The following BAG2 variants were observed in gnomAD, a reference collection of about 807,000 sequenced individuals.
The protein encoded by BAG2 is BAG cochaperone 2.
BAG2 carries 8 observed loss-of-function variants against 16.4 expected under a neutral mutation model. The observed-to-expected ratio is 0.49, with a 90% CI of 0.29 to 0.88. The LOEUF is 0.88. Ranked by LOEUF, BAG2 falls within the 40% of genes least tolerant of loss-of-function variation. The pLI is 0.09. For missense variants in BAG2, 218 were observed against 248.9 expected, an observed-to-expected ratio of 0.88 and a Z score of 0.84; for synonymous variants, 82 against 89.2, an observed-to-expected ratio of 0.92 and a Z score of 0.46.
Position 57,172,776 on chromosome 6 carries a change from C to T in BAG2, c.79C>T (p.Arg27Cys), listed in dbSNP as rs770906717. Residue 27 changes from arginine (R) to cysteine (C), a missense_variant, in exon 1 of 3, where the codon CGC becomes TGC. By Grantham distance (180) the Arg-to-Cys change is radical. Coordinates refer to ENST00000370693, the MANE Select transcript of BAG2 (RefSeq NM_004282.4). ...CTCCTCCATGGCTGACCGCTCCAGC[C>T]GCCTGCTGGAGAGCCTGGACCAGCT... The part of the protein sequence containing the change: ...RSSSMADRSS[R>C]LLESLDQLEL... The T allele has an allele frequency of 3.2e-6, 5 of 1,573,572 alleles. No individual in the cohort carries two copies. Among genetic ancestry groups the T allele is most frequent in the African/African-American group, 1.4e-5 (1 of 71,340 alleles).
chr6:57,181,841 C>T (rs928000037), intron 1 of BAG2, among the ~76,000 whole-genome samples, 191 bp from the exon 2 acceptor site: 23 of 151,954 alleles, frequency 1.5e-4, no homozygotes, highest in African/African-American at 4.8e-4. Context: ...GAATGATTGC[C>T]TTATGAGCTG....
Position 57,172,829 on chromosome 6 carries a change from G to A in BAG2, c.113+19G>A. 1.4e-6 allele frequency: 2 copies of A among 1,479,122 alleles called. No homozygotes were observed. The highest frequency in any genetic ancestry group is 1.8e-6 in the Non-Finnish European group (2 of 1,112,380). 91.6% of individuals were successfully genotyped at this position (1,479,122 alleles called of 1,614,324 possible). On this transcript the variant is annotated intron_variant, in intron 1 of 2. Transcript: ENST00000370693. ...AGCTCAGGTGAGCTCCGGGCGGGCG[G>A]TCTCGGGCGTTCTGCTCGCCGCGCG...
At position 57,172,494 on chromosome 6, in the gene BAG2, C is replaced by T. The variant is rs1008885124; in HGVS notation, c.-204C>T. ...AGCCCCCTCCCAGGCCCGGCGTCCCCGAGCCCCGCGGGCGCCGCGCCTGCC... is the reference window on the plus strand; with the variant it reads ...AGCCCCCTCCCAGGCCCGGCGTCCCTGAGCCCCGCGGGCGCCGCGCCTGCC... On this transcript the variant is annotated 5_prime_UTR_variant, in exon 1 of 3. Coordinates refer to ENST00000370693, the MANE Select transcript of BAG2 (RefSeq NM_004282.4). 8 of 415,216 alleles carry T rather than the reference C, an allele frequency of 1.9e-5. No individual in the cohort carries two copies. The highest frequency in any genetic ancestry group is 3.0e-5 in the Non-Finnish European group (7 of 230,664). 25.7% of individuals were successfully genotyped at this position (415,216 alleles called of 1,614,324 possible).
chr6:57,173,057 T>A, intron 1 of BAG2: 1 of 801,618 alleles, frequency 1.2e-6, no homozygotes. Flanking sequence ...GCGTTATCGG[T>A]GGCCACACTT....
At chr6:57,174,375 T>G in intron 1 of BAG2, 1 of 1,304,214 alleles carries the variant, frequency 7.7e-7, no homozygotes, top group Non-Finnish European at 1.0e-6. Context: ...TCCTCCAACT[T>G]GAATTAATGC....
intron 1 of BAG2, among the ~76,000 whole-genome samples, chr6:57,174,686 G>A (rs1197041030): frequency 6.6e-6 from 1 of 152,066 alleles, no homozygotes; most frequent in Non-Finnish European, 1.5e-5. Flanking sequence ...AGCAAAAATA[G>A]AGAAAAATGC....
Position 57,172,746 on chromosome 6 carries a change from C to T in BAG2, c.49C>T (p.Arg17Cys). 3 of 1,582,556 alleles carry T rather than the reference C, an allele frequency of 1.9e-6. No individual in the cohort carries two copies. Among genetic ancestry groups the T allele is most frequent in the Non-Finnish European group, 2.6e-6 (3 of 1,167,298 alleles). ...TAAAGCCAACGAGGGGCGCTTCTGC[C>T]GCTCCTCCTCCATGGCTGACCGCTC... Reference protein sequence around the residue: ...NAKANEGRFCRSSSMADRSSR... With the variant: ...NAKANEGRFCCSSSMADRSSR... Residue 17 changes from arginine (R) to cysteine (C), a missense_variant, in exon 1 of 3, where the codon CGC (arginine) becomes TGC (cysteine). Around this residue, in one of 3 missense-constraint regions of BAG2, gnomAD observed 75 missense variants for 63.1 expected, o/e 1.19. Transcript: ENST00000370693.
At position 57,184,195 on chromosome 6, in the gene BAG2, C is replaced by G. The variant is rs770584590; in HGVS notation, c.*5C>G. On this transcript the variant is annotated 3_prime_UTR_variant, in exon 3 of 3. Coordinates refer to ENST00000370693, the MANE Select transcript of BAG2 (RefSeq NM_004282.4). ...GCTGAAAGCAGATTCAATTAGTCTT[C>G]AAACCTAAGAGCATTTACACAATAC... is the stretch of plus-strand genomic sequence containing the variant. 13 of 1,530,710 alleles carry G rather than the reference C, an allele frequency of 8.5e-6. No homozygotes were observed. Among genetic ancestry groups the G allele is most frequent in the Admixed American group, 2.3e-5 (1 of 42,698 alleles). 94.8% of individuals were successfully genotyped at this position (1,530,710 alleles called of 1,614,324 possible).
Position 57,188,786 on chromosome 6 carries a change from A to C in BAG2, c.*4596A>C, listed in dbSNP as rs1764715486. 6.6e-6 allele frequency: 1 copy of C among 152,208 alleles called. No individual in the cohort carries two copies. The highest frequency in any genetic ancestry group is 1.5e-5 in the Non-Finnish European group (1 of 68,030). The allele number at this position is 152,208 out of a possible 1,614,324, so 9.4% of individuals were successfully genotyped here. A position where few individuals can be genotyped will look rare whatever the true frequency, so the allele number is the denominator to read the frequency against. On this transcript the variant is annotated 3_prime_UTR_variant, in exon 3 of 3. Transcript: ENST00000370693. ...TCAATATAATGAAAAGCAAAAATTTACTTTTTAATTTTTTTTATTTTTCCA... is the reference window on the plus strand; with the variant it reads ...TCAATATAATGAAAAGCAAAAATTTCCTTTTTAATTTTTTTTATTTTTCCA...
Position 57,188,568 on chromosome 6 carries a change from A to AATT in BAG2, c.*4380_*4382dup, listed in dbSNP as rs1303149780. 1 of 152,110 alleles carries AATT rather than the reference A, an allele frequency of 6.6e-6. No homozygotes were observed. The highest frequency in any genetic ancestry group is 1.5e-5 in the Non-Finnish European group (1 of 68,004). 9.4% of individuals were successfully genotyped at this position (152,110 alleles called of 1,614,324 possible). ...GTTGCAAAGTATTATTTTGTGCAAAAATTAAAGAGGAGAGTAGAGAGTAGA... is the reference window on the plus strand; with the variant it reads ...GTTGCAAAGTATTATTTTGTGCAAAAATTATTAAAGAGGAGAGTAGAGAGTAGA... On this transcript the variant is annotated 3_prime_UTR_variant, in exon 3 of 3. Coordinates refer to ENST00000370693, the MANE Select transcript of BAG2 (RefSeq NM_004282.4).
Position 57,172,732 on chromosome 6 carries a change from A to AG in BAG2, c.39dup (p.Arg14AlafsTer10), listed in dbSNP as rs1412502071. On this transcript the variant is annotated frameshift_variant, in exon 1 of 3. Transcript: ENST00000370693. LOFTEE classifies it high-confidence loss of function. ...GCGAAGATCAACGCTAAAGCCAACG[A>AG]GGGGCGCTTCTGCCGCTCCTCCTCC... 1 of 1,581,520 alleles carries AG rather than the reference A, an allele frequency of 6.3e-7. No homozygotes were observed.
At position 57,185,197 on chromosome 6, in the gene BAG2, T is replaced by C. The variant is rs1385292864; in HGVS notation, c.*1007T>C. 3 of 152,218 alleles carry C rather than the reference T, an allele frequency of 2.0e-5. No individual in the cohort carries two copies. Among genetic ancestry groups the C allele is most frequent in the African/African-American group, 7.2e-5 (3 of 41,462 alleles). 9.4% of individuals were successfully genotyped at this position (152,218 alleles called of 1,614,324 possible). On this transcript the variant is annotated 3_prime_UTR_variant, in exon 3 of 3. Coordinates refer to ENST00000370693, the MANE Select transcript of BAG2 (RefSeq NM_004282.4). The stretch of plus-strand genomic sequence containing the variant: ...TTTATACTTTTTTCAGTAATTAAAA[T>C]ATAGCTATTTCACTGAAATATTTCC...
In BAG2 at chr6:57,175,032, G is replaced by T. The variant is rs796221972; in HGVS notation, c.113+2222G>T. On this transcript the variant is annotated intron_variant, in intron 1 of 2. Transcript: ENST00000370693. ...GGCAGCAGTTTTACAAACTGTTAAA[G>T]GATTTCCATTTATCTCTAATGGAAT... 1.6e-4 allele frequency among the ~76,000 whole-genome samples: 25 copies of T among 152,262 alleles called. 1 individual carries two copies. The South Asian group carries it at 5.2e-3, about 32-fold the overall frequency.
chr6:57,178,055 A>G (rs560776656), intron 1 of BAG2, among the ~76,000 whole-genome samples: 152 of 152,202 alleles, frequency 1.0e-3, no homozygotes, highest in Non-Finnish European at 1.9e-3. Flanking sequence ...GATGTGAGGA[A>G]AAGTTCTTTC....
In BAG2 at chr6:57,188,708, G is replaced by A. The variant is rs1200233844; in HGVS notation, c.*4518G>A. 6.6e-6 allele frequency: 1 copy of A among 152,114 alleles called. No individual in the cohort carries two copies. Among genetic ancestry groups the A allele is most frequent in the Non-Finnish European group, 1.5e-5 (1 of 68,008 alleles). The allele number at this position is 152,114 out of a possible 1,614,324, so 9.4% of individuals were successfully genotyped here. On this transcript the variant is annotated 3_prime_UTR_variant, in exon 3 of 3. Coordinates refer to ENST00000370693, the MANE Select transcript of BAG2 (RefSeq NM_004282.4). ...AGCAATGGGAGTGGTGACAACTGGT[G>A]ACATAAAAATAAGCATTTTACATTA...
At chr6:57,181,186 C>T (rs1168945911) in intron 1 of BAG2, among the ~76,000 whole-genome samples, 1 of 152,152 alleles carries the variant, frequency 6.6e-6, no homozygotes, top group Non-Finnish European at 1.5e-5. Flanking sequence ...GCAGAGTACA[C>T]ATACCCTTTG....
At chr6:57,177,955 G>C (rs1764330805) in intron 1 of BAG2, among the ~76,000 whole-genome samples, 1 of 152,286 alleles carries the variant, frequency 6.6e-6, no homozygotes. Flanking sequence ...TTCCTACTGA[G>C]TACTCTGACT....
chr6:57,182,283 A>T, intron 2 of BAG2, 142 bp downstream of exon 2: 2 of 581,700 alleles, frequency 3.4e-6, no homozygotes, highest in Non-Finnish European at 5.9e-6. Flanking sequence ...GAGCAGCTGC[A>T]GCTGTCAGTT....
At chr6:57,176,170 G>A (rs1374388353) in intron 1 of BAG2, among the ~76,000 whole-genome samples, 2 of 152,046 alleles carry the variant, frequency 1.3e-5, no homozygotes, top group Non-Finnish European at 2.9e-5. Context: ...TAATGTACAC[G>A]GACTATGTGC....
Sources: allele counts gnomAD v4.1 joint callset (sites outside exome capture counted in the v4.1 genomes callset), GRCh38; gene constraint gnomAD v4.1.1; regional missense constraint gnomAD v4.1.1; transcripts MANE v1.5; gene names NCBI Gene and HGNC (gene_info 2026-07-23, HGNC 2026-07-21).